The following GCNT1 variants were observed in gnomAD, a reference collection of about 807,000 sequenced individuals.
GCNT1 encodes glucosaminyl (N-acetyl) transferase 1.
GCNT1 carries 16 observed loss-of-function variants against 26.2 expected under a neutral mutation model. The observed-to-expected ratio is 0.61, with a 90% CI of 0.41 to 0.93. The LOEUF is 0.93. Ranked by LOEUF, GCNT1 falls within the 40% of genes least tolerant of loss-of-function variation. The probability of loss-of-function intolerance (pLI) is 0.00; values close to 1 mark genes in which losing one functional copy is unlikely to be tolerated. For synonymous variants in GCNT1, 183 were observed against 190.8 expected, an observed-to-expected ratio of 0.96 and a Z score of 0.34; for missense variants, 477 against 526.7, an observed-to-expected ratio of 0.91 and a Z score of 0.92.
chr9:76,424,013 C>G (rs544769707), intron 1 of GCNT1, among the ~76,000 whole-genome samples: 4 of 152,130 alleles, frequency 2.6e-5, no homozygotes, highest in African/African-American at 9.7e-5. Context: ...CTAGAGATTA[C>G]AAAGAATGGT....
At chr9:76,427,721 C>T (rs912545596) in intron 1 of GCNT1, among the ~76,000 whole-genome samples, 2 of 152,102 alleles carry the variant, frequency 1.3e-5, no homozygotes, top group African/African-American at 4.8e-5. Context: ...AATGTTAGCT[C>T]TTGGCATGTA....
intron 2 of GCNT1, among the ~76,000 whole-genome samples, chr9:76,472,223 C>CA (rs1427083084): frequency 1.3e-5 from 2 of 152,172 alleles, no homozygotes; most frequent in African/African-American, 4.8e-5. Flanking sequence ...GCGGAGGATG[C>CA]AGTGAGTCAA....
chr9:76,493,214 C>G (rs556139168), intron 2 of GCNT1, among the ~76,000 whole-genome samples: 1 of 152,272 alleles, frequency 6.6e-6, no homozygotes, highest in South Asian at 2.1e-4. Flanking sequence ...TCCCCATGAT[C>G]TGAGTTGAGG....
the GCNT1 span, among the ~76,000 whole-genome samples, chr9:76,400,256 ATAAT>A: frequency 1.1e-4 from 17 of 152,338 alleles, no homozygotes; most frequent in Admixed American, 2.0e-4. Context: ...TAGTTTTTGA[ATAAT>A]TAATCTAAAA....
At chr9:76,460,650 AT>A (rs1208150947) in intron 2 of GCNT1, among the ~76,000 whole-genome samples, 1 of 151,834 alleles carries the variant, frequency 6.6e-6, no homozygotes, top group African/African-American at 2.4e-5. Flanking sequence ...TCTTAAAGGA[AT>A]TTTTTTCGGG....
rs1271910082 is a variant in GCNT1 at position 76,504,951 on chromosome 9, AT to A, written c.*1288del. 9.7e-6 allele frequency: 4 copies of A among 413,078 alleles called. No individual in the cohort carries two copies. The East Asian group carries it at 1.4e-4, about 15-fold the overall frequency. The allele number at this position is 413,078 out of a possible 1,614,324, so 25.6% of individuals were successfully genotyped here. A position where few individuals can be genotyped will look rare whatever the true frequency, so the allele number is the denominator to read the frequency against. On this transcript the variant is annotated 3_prime_UTR_variant, in exon 4 of 4. Coordinates refer to ENST00000376730, the MANE Select transcript of GCNT1 (RefSeq NM_001490.5). Reference sequence around the variant, plus strand: ...TTTTTGGTATCATTCACAGCATACGATTTTTACTCTCTCCATCTTCACCATA... The same window carrying A: ...TTTTTGGTATCATTCACAGCATACGATTTTACTCTCTCCATCTTCACCATA...
rs1398224451 is a variant in GCNT1 at position 76,507,237 on chromosome 9, G to A, written c.*3569G>A. ...ATCACTTGTGCACTGTTGTAAAGCT[G>A]AAAAACCGTTAAGCCTCTACGATTT... On this transcript the variant is annotated 3_prime_UTR_variant, in exon 4 of 4. Coordinates refer to ENST00000376730, the MANE Select transcript of GCNT1 (RefSeq NM_001490.5). The A allele has an allele frequency of 6.0e-6, 1 of 167,030 alleles. No homozygotes were observed. The highest frequency in any genetic ancestry group is 2.4e-5 in the African/African-American group (1 of 41,440). The allele number at this position is 167,030 out of a possible 1,614,324, so 10.3% of individuals were successfully genotyped here.
rs550076991 is a variant in GCNT1 at position 76,486,128 on chromosome 9, C to T, written c.-289-14788C>T. Among the ~76,000 whole-genome samples the T allele has an allele frequency of 3.9e-5, 6 of 152,298 alleles. No individual in the cohort carries two copies. The South Asian group carries it at 6.2e-4, about 16-fold the overall frequency. ...GCTCTTCTGCTTACTAGCCATATGACGTTCGAAGAGCTATTTAACCTCTTT... is the reference window on the plus strand; with the variant it reads ...GCTCTTCTGCTTACTAGCCATATGATGTTCGAAGAGCTATTTAACCTCTTT... On this transcript the variant is annotated intron_variant, in intron 2 of 3. Transcript: ENST00000376730.
intron 2 of GCNT1, among the ~76,000 whole-genome samples, chr9:76,495,936 C>T (rs992938467): frequency 5.3e-5 from 8 of 152,106 alleles, no homozygotes; most frequent in African/African-American, 1.9e-4. Context: ...GTTTTCCTCT[C>T]CCTGAACAGT....
rs589561 is a variant in GCNT1 at position 76,505,559 on chromosome 9, A to G, written c.*1891A>G. 2 of 166,482 alleles carry G rather than the reference A, an allele frequency of 1.2e-5. No individual in the cohort carries two copies. Among genetic ancestry groups the G allele is most frequent in the Non-Finnish European group, 2.9e-5 (2 of 68,104 alleles). 10.3% of individuals were successfully genotyped at this position (166,482 alleles called of 1,614,324 possible). A position where few individuals can be genotyped will look rare whatever the true frequency, so the allele number is the denominator to read the frequency against. Reference sequence around the variant, plus strand: ...TTTAACTCTAAAACTAGTGATACTCAGTGACATAGACTTTGTCTTATAAAC... The same window carrying G: ...TTTAACTCTAAAACTAGTGATACTCGGTGACATAGACTTTGTCTTATAAAC... On this transcript the variant is annotated 3_prime_UTR_variant, in exon 4 of 4. Transcript: ENST00000376730.
chr9:76,444,307 A>C (rs1050125506), intron 1 of GCNT1, among the ~76,000 whole-genome samples: 4 of 152,156 alleles, frequency 2.6e-5, no homozygotes, highest in Non-Finnish European at 5.9e-5. Context: ...TTAAATCTAG[A>C]TGTACTTAAC....
chr9:76,445,229 G>A (rs1823556058), intron 1 of GCNT1, among the ~76,000 whole-genome samples: 1 of 152,096 alleles, frequency 6.6e-6, no homozygotes, highest in Non-Finnish European at 1.5e-5. Flanking sequence ...ATCAGAGGAT[G>A]TTATACCTGG....
chr9:76,428,265 C>CAAAAAA (rs869195487), intron 1 of GCNT1, among the ~76,000 whole-genome samples: 32 of 29,732 alleles, frequency 1.1e-3, no homozygotes, highest in African/African-American at 2.7e-3. Flanking sequence ...GACTCCGTCT[C>CAAAAAA]AAAAAAAAAA....
At chr9:76,467,899 T>G (rs1415020728) in intron 2 of GCNT1, among the ~76,000 whole-genome samples, 1 of 72,834 alleles carries the variant, frequency 1.4e-5, no homozygotes, top group African/African-American at 8.8e-5. Context: ...CTTTCAGTGT[T>G]TTTTTTTTTT....
chr9:76,436,981 A>G (rs1823419042), upstream of GCNT1, among the ~76,000 whole-genome samples: 1 of 152,132 alleles, frequency 6.6e-6, no homozygotes, highest in Non-Finnish European at 1.5e-5. Context: ...GGGGGAAGGG[A>G]TAGCATTAGG....
chr9:76,420,320 G>A (rs889384915), intron 1 of GCNT1: 3 of 152,194 alleles, frequency 2.0e-5, no homozygotes, highest in Admixed American at 6.5e-5. Context: ...TGTCACCCAA[G>A]CTGGAGTGCA....
intron 1 of GCNT1, among the ~76,000 whole-genome samples, chr9:76,450,079 G>A (rs1823640650): frequency 6.6e-6 from 1 of 152,062 alleles, no homozygotes; most frequent in South Asian, 2.1e-4. Context: ...GGCCCTATTC[G>A]CCTCTTTTTA....
intron 1 of GCNT1, among the ~76,000 whole-genome samples, chr9:76,448,346 G>C (rs1390066494): frequency 6.6e-6 from 1 of 152,070 alleles, no homozygotes; most frequent in Non-Finnish European, 1.5e-5. Flanking sequence ...CAGGTACTTG[G>C]GAGGCTGAGG....
At chr9:76,394,429 CG>C in the GCNT1 span, 1 of 385,118 alleles carries the variant, frequency 2.6e-6, no homozygotes, top group African/African-American at 2.2e-5. Context: ...AAGTAAGTGC[CG>C]GGTGTGAGCG....
Sources: allele counts gnomAD v4.1 joint callset (sites outside exome capture counted in the v4.1 genomes callset), GRCh38; gene constraint gnomAD v4.1.1; transcripts MANE v1.5; gene names NCBI Gene and HGNC (gene_info 2026-07-23, HGNC 2026-07-21).